ARHGAP8: variants seen among roughly 807,000 people sequenced by gnomAD.
ARHGAP8 encodes the protein rho GTPase-activating protein 8.
A neutral mutation model predicts 46.1 loss-of-function variants in ARHGAP8; 62 were observed. That is an observed-to-expected ratio of 1.34 (90% confidence interval 1.10 to 1.66). The LOEUF is 1.66. Among genes scored for constraint, ARHGAP8 ranks in the 40% most tolerant of loss-of-function variants. The probability of loss-of-function intolerance (pLI) is 0.00; values close to 1 mark genes in which losing one functional copy is unlikely to be tolerated. For missense variants in ARHGAP8, 923 were observed against 568.4 expected (o/e 1.62, Z -6.34); for synonymous variants, 375 against 243.1 (o/e 1.54, Z -5.05).
intron 7 of ARHGAP8, among the ~76,000 whole-genome samples, chr22:44,828,699 T>G (rs1039670333): frequency 7.9e-5 from 12 of 151,406 alleles, no homozygotes; most frequent in African/African-American, 2.9e-4. Flanking sequence ...GTGATCCACC[T>G]GCCTCGGCCT....
chr22:44,857,400 T>C (rs2070258320), intron 10 of ARHGAP8, among the ~76,000 whole-genome samples: 1 of 152,158 alleles, frequency 6.6e-6, no homozygotes, highest in South Asian at 2.1e-4. Flanking sequence ...CTTAGGTTCC[T>C]TGGTGGGGGC....
At chr22:44,841,689 C>G (rs557799942) in intron 7 of ARHGAP8, among the ~76,000 whole-genome samples, 1 of 152,226 alleles carries the variant, frequency 6.6e-6, no homozygotes, top group African/African-American at 2.4e-5. Flanking sequence ...CCTCCATGTA[C>G]CTGCATTTTG....
At chr22:44,814,555 T>C in intron 4 of ARHGAP8, 117 bp from the exon 5 acceptor site, 1 of 829,536 alleles carries the variant, frequency 1.2e-6, no homozygotes, top group Non-Finnish European at 1.9e-6. Context: ...AAATTGATCC[T>C]GTTGAGAGGA....
intron 10 of ARHGAP8, among the ~76,000 whole-genome samples, chr22:44,853,656 T>C (rs960363270): frequency 2.6e-5 from 4 of 152,240 alleles, no homozygotes; most frequent in African/African-American, 4.8e-5. Context: ...TTTTTAAGTC[T>C]ACCTTGCTAG....
chr22:44,842,538 G>A (rs1055918682), intron 7 of ARHGAP8, among the ~76,000 whole-genome samples: 3 of 152,204 alleles, frequency 2.0e-5, no homozygotes, highest in African/African-American at 7.2e-5. Context: ...GCCTGAAGCC[G>A]GGGGTCACAG....
intron 7 of ARHGAP8, among the ~76,000 whole-genome samples, chr22:44,826,994 T>G (rs1930566570): frequency 1.3e-5 from 2 of 152,042 alleles, no homozygotes; most frequent in Non-Finnish European, 2.9e-5. Flanking sequence ...CCAGAACCTG[T>G]GATTAGGTCA....
At chr22:44,779,859 C>T (rs982984453) in intron 1 of ARHGAP8, among the ~76,000 whole-genome samples, 7 of 152,190 alleles carry the variant, frequency 4.6e-5, no homozygotes, top group South Asian at 2.1e-4. Flanking sequence ...TGAGCCACCA[C>T]GCTCGGCCTT....
intron 10 of ARHGAP8, among the ~76,000 whole-genome samples, chr22:44,856,446 G>A (rs1234201569): frequency 1.3e-5 from 2 of 151,796 alleles, no homozygotes; most frequent in African/African-American, 4.8e-5. Context: ...GCTAATTTTT[G>A]TATTTTTAGT....
At chr22:44,787,943 C>CTTTTTTTTTTTT (rs1312732228) in intron 2 of ARHGAP8, among the ~76,000 whole-genome samples, 1 of 126,860 alleles carries the variant, frequency 7.9e-6, no homozygotes, top group African/African-American at 3.0e-5. Context: ...TTTTTTTTCC[C>CTTTTTTTTTTTT]CCCAAATGTC....
intron 1 of ARHGAP8, among the ~76,000 whole-genome samples, chr22:44,765,569 C>T (rs551502887): frequency 1.3e-5 from 2 of 152,148 alleles, no homozygotes; most frequent in African/African-American, 4.8e-5. Flanking sequence ...CAGGTCGGGT[C>T]TGTCCCCGGC....
At chr22:44,860,051 C>G (rs1218117087) in intron 11 of ARHGAP8, among the ~76,000 whole-genome samples, 1 of 151,824 alleles carries the variant, frequency 6.6e-6, no homozygotes, top group Non-Finnish European at 1.5e-5. Context: ...CGTACCTGCC[C>G]CTGCCTGCTC....
At chr22:44,839,699 A>C (rs1187979614) in intron 7 of ARHGAP8, among the ~76,000 whole-genome samples, 1 of 152,356 alleles carries the variant, frequency 6.6e-6, no homozygotes, top group East Asian at 1.9e-4. Flanking sequence ...GGCAGACGAT[A>C]CACACGTGGA....
intron 4 of ARHGAP8, 121 bp downstream of exon 4, chr22:44,808,559 G>A: frequency 6.6e-7 from 1 of 1,511,054 alleles, no homozygotes; most frequent in Non-Finnish European, 8.9e-7. Flanking sequence ...GCGGAGGGTG[G>A]AGGGTGAGCA....
rs537242535 is a variant in ARHGAP8, at chr22:44,862,075, C to T, written c.982-200C>T. On this transcript the variant is annotated intron_variant, in intron 11 of 11. Transcript: ENST00000356099. ...CAGAGGGTCCTCCAGGACATGGAGG[C>T]CAAGCCTTCCTTTTAGAGATAGGGT... 3.3e-5 allele frequency among the ~76,000 whole-genome samples: 5 copies of T among 152,292 alleles called. No individual in the cohort carries two copies. In the East Asian group the frequency reaches 7.7e-4, roughly 24 times the overall value.
At chr22:44,763,116 T>G (rs774350019) in intron 1 of ARHGAP8, among the ~76,000 whole-genome samples, 7 of 151,940 alleles carry the variant, frequency 4.6e-5, no homozygotes, top group Non-Finnish European at 1.0e-4. Flanking sequence ...TTCATGCTGG[T>G]TGGGAAGGTG....
chr22:44,808,464 C>T (rs370461525), intron 4 of ARHGAP8, 26 bp downstream of exon 4: 16 of 1,611,562 alleles, frequency 9.9e-6, no homozygotes, highest in East Asian at 4.5e-5. Context: ...CCTTCAGGGA[C>T]GTGGGTGTGG....
At chr22:44,825,101 CA>C (rs1408056037) in intron 6 of ARHGAP8, among the ~76,000 whole-genome samples, 2 of 151,592 alleles carry the variant, frequency 1.3e-5, no homozygotes, top group African/African-American at 2.4e-5. Flanking sequence ...AAGTAATTAA[CA>C]AAAGGGACGA....
Position 44,861,309 on chromosome 22 carries a change from C to T in ARHGAP8, c.982-966C>T, listed in dbSNP as rs193063207. Among the ~76,000 whole-genome samples the T allele has an allele frequency of 2.4e-3, 368 of 152,308 alleles. 3 individuals are homozygous for T. The highest frequency in any genetic ancestry group is 4.0e-3 in the Non-Finnish European group (275 of 68,032). The stretch of plus-strand genomic sequence containing the variant: ...CATTAGGAGAGACTGATTTCTCTCT[C>T]TAGCCGCCACCTCCATGGGCACCGA... On this transcript the variant is annotated intron_variant, in intron 11 of 11. Coordinates refer to ENST00000356099, the MANE Select transcript of ARHGAP8 (RefSeq NM_181335.3).
chr22:44,759,990 G>A (rs1295452712), intron 1 of ARHGAP8, among the ~76,000 whole-genome samples: 1 of 152,202 alleles, frequency 6.6e-6, no homozygotes, highest in Admixed American at 6.5e-5. Context: ...AGGAGAGGGG[G>A]TGACCCCAGC....
Sources: allele counts gnomAD v4.1 joint callset (sites outside exome capture counted in the v4.1 genomes callset), GRCh38; gene constraint gnomAD v4.1.1; transcripts MANE v1.5; gene names NCBI Gene and HGNC (gene_info 2026-07-23, HGNC 2026-07-21).